Variants in VTI1A observed in about 807,000 individuals in gnomAD.
VTI1A encodes the protein vesicle transport through interaction with t-SNAREs homolog 1A.
Under a neutral mutation model 34.9 loss-of-function variants are expected in VTI1A, and 22 were observed. The observed-to-expected ratio is 0.63, with a 90% CI of 0.45 to 0.90. The LOEUF (loss-of-function observed/expected upper bound fraction) is 0.90, where lower values mean the gene tolerates loss of function less well. Ranked by LOEUF, VTI1A falls within the 40% of genes least tolerant of loss-of-function variation. The probability of loss-of-function intolerance (pLI) is 0.00; values close to 1 mark genes in which losing one functional copy is unlikely to be tolerated. For missense variants in VTI1A, 268 were observed against 275.6 expected, an observed-to-expected ratio of 0.97 and a Z score of 0.20; for synonymous variants, 87 against 97.3, an observed-to-expected ratio of 0.89 and a Z score of 0.62.
chr10:112,458,206 G>C (rs1847605297), intron 1 of VTI1A, among the ~76,000 whole-genome samples: 1 of 152,168 alleles, frequency 6.6e-6, no homozygotes, highest in Non-Finnish European at 1.5e-5. Context: ...TCCACGGCAT[G>C]GACTTTCCTA....
At chr10:112,650,064 A>C (rs1370997882) in intron 5 of VTI1A, among the ~76,000 whole-genome samples, 2 of 152,190 alleles carry the variant, frequency 1.3e-5, no homozygotes, top group Non-Finnish European at 2.9e-5. Context: ...TTTCTTCAAC[A>C]ATCAGTTAAC....
At position 112,487,132 on chromosome 10, in the gene VTI1A, C is replaced by CT. The variant is rs201959423; in HGVS notation, c.264+22484dup. 8.6e-5 allele frequency among the ~76,000 whole-genome samples: 13 copies of CT among 151,026 alleles called. No individual in the cohort carries two copies. In the East Asian group the frequency reaches 1.4e-3, roughly 16 times the overall value. The stretch of plus-strand genomic sequence containing the variant: ...TGATAAAACTGAACAAACTTAAATG[C>CT]TTTTTTTTTGAGACAGAGTCACACT... On this transcript the variant is annotated intron_variant, in intron 3 of 7. Coordinates refer to ENST00000393077, the MANE Select transcript of VTI1A (RefSeq NM_145206.4).
At chr10:112,513,829 A>G (rs749337948) in intron 3 of VTI1A, among the ~76,000 whole-genome samples, 3 of 151,982 alleles carry the variant, frequency 2.0e-5, no homozygotes, top group Non-Finnish European at 2.9e-5. Context: ...AATATGTTGT[A>G]TCACATTTAT....
intron 5 of VTI1A, among the ~76,000 whole-genome samples, chr10:112,572,522 A>G (rs560593686): frequency 7.2e-5 from 11 of 152,346 alleles, no homozygotes; most frequent in East Asian, 3.9e-4. Flanking sequence ...GCTGTTTGTC[A>G]TAATAACTTT....
intron 2 of VTI1A, among the ~76,000 whole-genome samples, chr10:112,462,602 T>TGA (rs1847761624): frequency 1.3e-5 from 2 of 152,242 alleles, no homozygotes; most frequent in African/African-American, 4.8e-5. Context: ...GTGCTTCTCA[T>TGA]TTATGTTGAG....
chr10:112,763,401 T>C (rs919349785), intron 7 of VTI1A, among the ~76,000 whole-genome samples: 1 of 147,498 alleles, frequency 6.8e-6, no homozygotes, highest in South Asian at 2.1e-4. Flanking sequence ...ATCACGCCAC[T>C]GCACTCCAGC....
chr10:112,675,473 T>C (rs7901272), intron 7 of VTI1A, among the ~76,000 whole-genome samples: 72,138 of 152,050 alleles, frequency 0.47, 19,086 homozygotes, highest in African/African-American at 0.71. Flanking sequence ...CCTACCAGAT[T>C]CCACCATTGA....
chr10:112,838,735 A>G, the VTI1A span, among the ~76,000 whole-genome samples: 1 of 152,222 alleles, frequency 6.6e-6, no homozygotes, highest in African/African-American at 2.4e-5. Context: ...CGGGCAGCTC[A>G]CTGCGCTTCC....
At chr10:112,722,517 A>G (rs1253753551) in intron 7 of VTI1A, among the ~76,000 whole-genome samples, 1 of 152,220 alleles carries the variant, frequency 6.6e-6, no homozygotes, top group Non-Finnish European at 1.5e-5. Flanking sequence ...AATAATAAAA[A>G]AATTAAACAT....
At chr10:112,505,751 C>G (rs574488110) in intron 3 of VTI1A, among the ~76,000 whole-genome samples, 90 of 151,682 alleles carry the variant, frequency 5.9e-4, no homozygotes, top group African/African-American at 2.2e-3. Flanking sequence ...ACGGCTCACT[C>G]TAGTCTTAAC....
chr10:112,474,402 A>G (rs939334204), intron 3 of VTI1A, among the ~76,000 whole-genome samples: 4 of 151,008 alleles, frequency 2.6e-5, no homozygotes, highest in African/African-American at 9.7e-5. Context: ...TATTATGTGC[A>G]TGTGCATGCC....
At chr10:112,747,707 T>C (rs920136603) in intron 7 of VTI1A, among the ~76,000 whole-genome samples, 2 of 152,198 alleles carry the variant, frequency 1.3e-5, no homozygotes, top group African/African-American at 4.8e-5. Flanking sequence ...CACCCTTACC[T>C]GGAGACTGGG....
chr10:112,643,004 A>G (rs1226574920), intron 5 of VTI1A, among the ~76,000 whole-genome samples: 2 of 131,932 alleles, frequency 1.5e-5, no homozygotes, highest in Non-Finnish European at 3.2e-5. Flanking sequence ...TGTTTTTAAG[A>G]CAGAGTCTCA....
At chr10:112,709,683 T>A (rs530315610) in intron 7 of VTI1A, among the ~76,000 whole-genome samples, 16 of 77,626 alleles carry the variant, frequency 2.1e-4, no homozygotes, top group Non-Finnish European at 3.2e-4. Context: ...TCTATGTGGC[T>A]TTTTTTTTTT....
chr10:112,854,802 T>G, the VTI1A span, among the ~76,000 whole-genome samples: 1 of 152,066 alleles, frequency 6.6e-6, no homozygotes, highest in Non-Finnish European at 1.5e-5. Context: ...TCACTAGGGG[T>G]CTGCTGGGCC....
chr10:112,754,896 T>C (rs1262008281), intron 7 of VTI1A, among the ~76,000 whole-genome samples: 5 of 152,140 alleles, frequency 3.3e-5, no homozygotes, highest in Non-Finnish European at 7.4e-5. Context: ...TTTCTGAAAA[T>C]GTCAAAAATG....
intron 7 of VTI1A, among the ~76,000 whole-genome samples, chr10:112,764,552 TAAAG>T (rs761570083): frequency 3.8e-4 from 58 of 152,268 alleles, no homozygotes; most frequent in Non-Finnish European, 6.8e-4. Flanking sequence ...GTGAAGAAAA[TAAAG>T]ACCACCATAC....
chr10:112,593,732 T>A (rs1480813866), intron 5 of VTI1A, among the ~76,000 whole-genome samples: 1 of 151,800 alleles, frequency 6.6e-6, no homozygotes, highest in Non-Finnish European at 1.5e-5. Context: ...CTCCATCTTT[T>A]TTTTATTTTT....
At chr10:112,815,179 CA>C in intron 7 of VTI1A, 110 bp from the exon 8 acceptor site, 2 of 387,946 alleles carry the variant, frequency 5.2e-6, no homozygotes, top group Non-Finnish European at 9.7e-6. Flanking sequence ...ACACGCTCCC[CA>C]CCCCCACCTG....
Sources: gnomAD v4.1 joint callset for allele counts (sites outside exome capture counted in the v4.1 genomes callset) on GRCh38, gnomAD v4.1.1 for gene constraint, MANE v1.5 for transcripts, NCBI Gene and HGNC (gene_info 2026-07-23, HGNC 2026-07-21) for gene names.